The following FHOD3 variants were observed in gnomAD, a reference collection of about 807,000 sequenced individuals.
The protein encoded by FHOD3 is formin homology 2 domain containing 3.
A neutral mutation model predicts 173.0 loss-of-function variants in FHOD3; 90 were observed. The observed-to-expected ratio is 0.52, with a 90% CI of 0.44 to 0.62. The LOEUF is 0.62. FHOD3 is among the 20% of genes least tolerant of loss of function. FHOD3 has a pLI of 0.00. For synonymous variants in FHOD3, 828 were observed against 823.0 expected (o/e 1.01, Z -0.10); for missense variants, 1,945 against 2,034.7 (o/e 0.96, Z 0.85).
intron 10 of FHOD3, among the ~76,000 whole-genome samples, chr18:36,641,558 C>T (rs1018474539): frequency 1.3e-5 from 2 of 152,182 alleles, no homozygotes; most frequent in Non-Finnish European, 2.9e-5. Flanking sequence ...ATACTTCCTG[C>T]TACAGTGAGT....
Position 36,356,704 on chromosome 18 carries a change from C to T in FHOD3, c.272+1059C>T, listed in dbSNP as rs538743109. On this transcript the variant is annotated intron_variant, in intron 2 of 28. Coordinates refer to ENST00000590592, the MANE Select transcript of FHOD3 (RefSeq NM_001281740.3). ...AGGCTGGAGTGTAGTGGTGTGATCT[C>T]GGCTCACTGCAACCTCTGTCTCCCA... Among the ~76,000 whole-genome samples the T allele has an allele frequency of 7.9e-4, 119 of 151,306 alleles. 1 individual carries two copies. Among genetic ancestry groups the T allele is most frequent in the Admixed American group, 1.8e-3 (27 of 15,188 alleles).
At chr18:36,606,312 G>C (rs1353389143) in intron 8 of FHOD3, among the ~76,000 whole-genome samples, 1 of 152,102 alleles carries the variant, frequency 6.6e-6, no homozygotes, top group Non-Finnish European at 1.5e-5. Context: ...CAAGGTACTG[G>C]CATCTTGTGA....
chr18:36,404,484 T>A (rs2048968670), intron 3 of FHOD3, among the ~76,000 whole-genome samples: 1 of 152,210 alleles, frequency 6.6e-6, no homozygotes, highest in African/African-American at 2.4e-5. Flanking sequence ...GTTGCTATTG[T>A]AGAATAGTAT....
chr18:36,762,775 G>A (rs969160625), intron 27 of FHOD3, among the ~76,000 whole-genome samples: 9 of 149,416 alleles, frequency 6.0e-5, no homozygotes, highest in East Asian at 1.9e-4. Flanking sequence ...AAGCCTGGGC[G>A]AAGAAGCAAG....
intron 1 of FHOD3, among the ~76,000 whole-genome samples, chr18:36,349,181 T>A (rs1206406360): frequency 6.6e-6 from 1 of 151,840 alleles, no homozygotes; most frequent in Non-Finnish European, 1.5e-5. Flanking sequence ...TGAGCGGGGG[T>A]GGCAGGAGCA....
At chr18:36,687,309 G>A (rs892334590) in intron 16 of FHOD3, 131 bp downstream of exon 16, 12 of 681,252 alleles carry the variant, frequency 1.8e-5, no homozygotes, top group Non-Finnish European at 2.8e-5. Flanking sequence ...GCATTTTGCA[G>A]AACAGAGTGT....
At chr18:36,507,735 G>A (rs887240833) in intron 4 of FHOD3, among the ~76,000 whole-genome samples, 6 of 152,290 alleles carry the variant, frequency 3.9e-5, no homozygotes, top group East Asian at 3.9e-4. Context: ...GTATCCACGT[G>A]TGTCTTCCTG....
intron 1 of FHOD3, among the ~76,000 whole-genome samples, chr18:36,329,103 T>C (rs1234110431): frequency 6.6e-6 from 1 of 152,106 alleles, no homozygotes; most frequent in African/African-American, 2.4e-5. Context: ...GTCTGCTGAT[T>C]TCATGCCCCA....
chr18:36,753,846 C>G (rs1237615096), intron 24 of FHOD3, among the ~76,000 whole-genome samples: 1 of 152,126 alleles, frequency 6.6e-6, no homozygotes, highest in African/African-American at 2.4e-5. Flanking sequence ...GTGTGCATAT[C>G]TTTTTAGGAG....
At chr18:36,494,112 G>A (rs963684949) in intron 3 of FHOD3, among the ~76,000 whole-genome samples, 2 of 151,902 alleles carry the variant, frequency 1.3e-5, no homozygotes, top group Non-Finnish European at 2.9e-5. Context: ...TCTAATTAAT[G>A]TTCTGGTCTG....
intron 1 of FHOD3, among the ~76,000 whole-genome samples, chr18:36,340,338 G>A (rs965208298): frequency 1.3e-5 from 2 of 152,190 alleles, no homozygotes; most frequent in Admixed American, 6.5e-5. Context: ...TAATAAATAA[G>A]CAGGATACGC....
Position 36,718,628 on chromosome 18 carries a change from G to A in FHOD3, c.3330G>A (p.Leu1110=). 1 of 1,614,144 alleles carries A rather than the reference G, an allele frequency of 6.2e-7. No individual in the cohort carries two copies. The highest frequency in any genetic ancestry group is 8.5e-7 in the Non-Finnish European group (1 of 1,180,040). ...CKNNRRCREF[L]WSKLEPIKVD... is the part of the protein sequence containing the mutation. ...ACAACCGACGCTGCAGAGAATTCCT[G>A]TGGTCAAAACTGGAACCCATTAAGG... Residue 1110 remains leucine (L), a synonymous_variant, in exon 19 of 29, where the codon CTG becomes CTA. Transcript: ENST00000590592.
chr18:36,566,741 A>G (rs1042503284), intron 5 of FHOD3, among the ~76,000 whole-genome samples: 4 of 152,148 alleles, frequency 2.6e-5, no homozygotes, highest in Non-Finnish European at 5.9e-5. Flanking sequence ...AGTAGTAGAG[A>G]GGAAGAGAAG....
At chr18:36,617,685 TC>T (rs1480295718) in intron 9 of FHOD3, among the ~76,000 whole-genome samples, 10 of 151,666 alleles carry the variant, frequency 6.6e-5, no homozygotes, top group African/African-American at 2.4e-4. Context: ...AAGTTTTTCT[TC>T]CTTCTCTAAG....
chr18:36,611,939 T>C lies in FHOD3; in HGVS notation c.814-13T>C. On this transcript the variant is annotated splice_polypyrimidine_tract_variant and intron_variant, in intron 8 of 28. Transcript: ENST00000590592. ...CTGTGGTGTCTCTGTAGCTGGTTCTTCTCTTCTTCCAGACGTTATCAGGAC... is the reference window on the plus strand; with the variant it reads ...CTGTGGTGTCTCTGTAGCTGGTTCTCCTCTTCTTCCAGACGTTATCAGGAC... The C allele has an allele frequency of 6.2e-7, 1 of 1,611,632 alleles. No homozygotes were observed. The highest frequency in any genetic ancestry group is 8.5e-7 in the Non-Finnish European group (1 of 1,179,006).
At chr18:36,488,673 A>T (rs1278103481) in intron 3 of FHOD3, among the ~76,000 whole-genome samples, 2 of 152,250 alleles carry the variant, frequency 1.3e-5, no homozygotes, top group Admixed American at 1.3e-4. Flanking sequence ...GATCATGTTC[A>T]TCATCACATG....
intron 3 of FHOD3, among the ~76,000 whole-genome samples, chr18:36,460,624 G>A (rs939268210): frequency 3.9e-5 from 6 of 152,188 alleles, no homozygotes; most frequent in African/African-American, 9.7e-5. Context: ...ATGGGAACAT[G>A]TGTTTACAGT....
At chr18:36,301,882 C>T (rs1481190295) in intron 1 of FHOD3, among the ~76,000 whole-genome samples, 1 of 152,152 alleles carries the variant, frequency 6.6e-6, no homozygotes, top group East Asian at 1.9e-4. Flanking sequence ...TGATTTAATT[C>T]AGGAAATGTT....
At chr18:36,550,480 A>C (rs893763155) in intron 5 of FHOD3, among the ~76,000 whole-genome samples, 2 of 151,434 alleles carry the variant, frequency 1.3e-5, no homozygotes, top group African/African-American at 2.4e-5. Context: ...TTCTAGGGGG[A>C]AAAAAAGCTT....
Sources: allele counts gnomAD v4.1 joint callset (sites outside exome capture counted in the v4.1 genomes callset), GRCh38; gene constraint gnomAD v4.1.1; transcripts MANE v1.5; gene names NCBI Gene and HGNC (gene_info 2026-07-23, HGNC 2026-07-21).